Variants in SDK1 observed in about 807,000 individuals in gnomAD.
SDK1 encodes sidekick cell adhesion molecule 1, also known as protein sidekick-1.
In SDK1, 157 loss-of-function variants were observed where a neutral mutation model predicts 245.5. The observed-to-expected ratio is 0.64, with a 90% CI of 0.56 to 0.73. The LOEUF is 0.73. Ranked by LOEUF, SDK1 falls within the 30% of genes least tolerant of loss-of-function variation. The pLI is 0.00. For missense variants in SDK1, 3,583 were observed against 3,002.3 expected (o/e 1.19, Z -4.52); for synonymous variants, 1,647 against 1,278.5 (o/e 1.29, Z -6.15).
chr7:4,054,051 G>A (rs566132268), intron 19 of SDK1, among the ~76,000 whole-genome samples: 1 of 152,072 alleles, frequency 6.6e-6, no homozygotes, highest in African/African-American at 2.4e-5. Context: ...CAATTCTCCT[G>A]CCTTGGCCTC....
At chr7:3,431,144 G>A (rs927262153) in intron 1 of SDK1, among the ~76,000 whole-genome samples, 2 of 151,990 alleles carry the variant, frequency 1.3e-5, no homozygotes, top group Admixed American at 6.6e-5. Flanking sequence ...CAAGTGATCC[G>A]CTTGCCTCAG....
intron 5 of SDK1, among the ~76,000 whole-genome samples, chr7:3,924,190 A>C (rs1005040366): frequency 3.3e-5 from 5 of 150,280 alleles, no homozygotes; most frequent in African/African-American, 1.2e-4. Flanking sequence ...GGCATTGGGG[A>C]TGGGGAAAAG....
intron 1 of SDK1, among the ~76,000 whole-genome samples, chr7:3,461,571 T>A (rs549468617): frequency 6.6e-6 from 1 of 152,278 alleles, no homozygotes; most frequent in East Asian, 1.9e-4. Context: ...AAAATCTGGA[T>A]TAGAATCCTC....
At chr7:3,814,164 G>C in intron 4 of SDK1, among the ~76,000 whole-genome samples, 1 of 150,800 alleles carries the variant, frequency 6.6e-6, no homozygotes, top group East Asian at 1.9e-4. Context: ...TGCTTTTGCT[G>C]TTTTGGACAT....
intron 1 of SDK1, among the ~76,000 whole-genome samples, chr7:3,549,647 C>G (rs1333434161): frequency 6.6e-6 from 1 of 152,036 alleles, no homozygotes; most frequent in Admixed American, 6.6e-5. Flanking sequence ...TTTTTCCCTA[C>G]TTTTTAGCAA....
chr7:3,594,993 G>C (rs1341768110), intron 1 of SDK1, among the ~76,000 whole-genome samples: 1 of 152,182 alleles, frequency 6.6e-6, no homozygotes, highest in Non-Finnish European at 1.5e-5. Flanking sequence ...TTAATCTCTA[G>C]TTGCTTTTAT....
At chr7:3,764,017 C>A (rs1237187426) in intron 4 of SDK1, among the ~76,000 whole-genome samples, 1 of 152,142 alleles carries the variant, frequency 6.6e-6, no homozygotes. Flanking sequence ...AAATTTTTGC[C>A]ATAGAAAATA....
At chr7:4,193,177 A>G (rs1783320259) in intron 35 of SDK1, among the ~76,000 whole-genome samples, 3 of 134,556 alleles carry the variant, frequency 2.2e-5, no homozygotes, top group African/African-American at 8.4e-5. Context: ...ATATTTATAT[A>G]TTGTATAAAT....
intron 4 of SDK1, among the ~76,000 whole-genome samples, chr7:3,689,541 G>C (rs1462659504): frequency 1.3e-5 from 2 of 152,158 alleles, no homozygotes; most frequent in Non-Finnish European, 2.9e-5. Flanking sequence ...ATAATCTCTT[G>C]TTTTTTAAAA....
intron 33 of SDK1, among the ~76,000 whole-genome samples, chr7:4,175,337 C>T (rs959380436): frequency 2.0e-5 from 3 of 152,230 alleles, no homozygotes; most frequent in African/African-American, 7.2e-5. Context: ...AGAAGGGCCC[C>T]GGGATGCGGC....
At chr7:3,945,476 T>C (rs560570154) in intron 5 of SDK1, among the ~76,000 whole-genome samples, 46 of 152,172 alleles carry the variant, frequency 3.0e-4, no homozygotes, top group African/African-American at 1.1e-3. Context: ...CTCCGAGACA[T>C]TTAGAAATGT....
chr7:4,074,914 A>G, intron 20 of SDK1, among the ~76,000 whole-genome samples: 1 of 77,074 alleles, frequency 1.3e-5, no homozygotes, highest in South Asian at 4.3e-4. Flanking sequence ...ATATATATAT[A>G]TATTTTTTTT....
intron 7 of SDK1, among the ~76,000 whole-genome samples, chr7:3,952,693 TA>T (rs912706273): frequency 4.7e-4 from 68 of 145,452 alleles, no homozygotes; most frequent in Admixed American, 4.8e-4. Flanking sequence ...TTGTTAAACT[TA>T]AAAAAAAAAA....
intron 1 of SDK1, among the ~76,000 whole-genome samples, chr7:3,307,543 G>C (rs976894626): frequency 6.6e-6 from 1 of 152,154 alleles, no homozygotes; most frequent in East Asian, 1.9e-4. Context: ...CATTGCTGTA[G>C]GGAACCCTTG....
At chr7:4,086,361 G>A (rs1781427853) in intron 22 of SDK1, among the ~76,000 whole-genome samples, 1 of 152,192 alleles carries the variant, frequency 6.6e-6, no homozygotes, top group African/African-American at 2.4e-5. Flanking sequence ...TTCTAGTTCT[G>A]CAGGTCAGAA....
intron 2 of SDK1, among the ~76,000 whole-genome samples, chr7:3,638,094 A>C (rs1782525491): frequency 6.6e-6 from 1 of 152,250 alleles, no homozygotes; most frequent in Non-Finnish European, 1.5e-5. Context: ...AACCTTTCTC[A>C]TTCAACCAGT....
chr7:3,572,041 C>G (rs1257244384), intron 1 of SDK1, among the ~76,000 whole-genome samples: 4 of 152,008 alleles, frequency 2.6e-5, no homozygotes, highest in African/African-American at 9.7e-5. Flanking sequence ...GGCTAACTAT[C>G]AATGCCAAAC....
chr7:3,958,787 G>A (rs1416714869), intron 7 of SDK1, 144 bp from the exon 8 acceptor site: 1 of 702,232 alleles, frequency 1.4e-6, no homozygotes. Context: ...TGCTCACTGA[G>A]TTCTGAGTTT....
chr7:3,559,619 C>A (rs1234630312), intron 1 of SDK1, among the ~76,000 whole-genome samples: 1 of 152,086 alleles, frequency 6.6e-6, no homozygotes, highest in African/African-American at 2.4e-5. Context: ...CTTTATCTGC[C>A]TGCAGCCCTG....
Sources: allele counts gnomAD v4.1 joint callset (sites outside exome capture counted in the v4.1 genomes callset), GRCh38; gene constraint gnomAD v4.1.1; transcripts MANE v1.5; gene names NCBI Gene and HGNC (gene_info 2026-07-23, HGNC 2026-07-21).